Variants in PTPRT observed in about 807,000 individuals in gnomAD.
PTPRT encodes the protein receptor-type tyrosine-protein phosphatase T.
Under a neutral mutation model 176.8 loss-of-function variants are expected in PTPRT, and 56 were observed. The ratio of observed to expected loss-of-function variants is 0.32; its 90% CI spans 0.26 to 0.40. The LOEUF (loss-of-function observed/expected upper bound fraction) is 0.40. Among genes scored for constraint, PTPRT ranks in the 10% least tolerant of loss-of-function variants. The pLI is 1.00. For missense variants in PTPRT, 1,540 were observed against 1,908.2 expected, an observed-to-expected ratio of 0.81 and a Z score of 3.60; for synonymous variants, 783 against 739.0, an observed-to-expected ratio of 1.06 and a Z score of -0.96.
chr20:42,600,364 T>A (rs921883609), intron 7 of PTPRT, among the ~76,000 whole-genome samples: 3 of 152,232 alleles, frequency 2.0e-5, no homozygotes, highest in Non-Finnish European at 1.5e-5. Context: ...GGTCTTGAAC[T>A]CCTGACTTCA....
At chr20:42,572,802 G>C (rs1209424788) in intron 7 of PTPRT, among the ~76,000 whole-genome samples, 1 of 152,004 alleles carries the variant, frequency 6.6e-6, no homozygotes, top group Non-Finnish European at 1.5e-5. Context: ...AACACCACCT[G>C]GAGCAATAAA....
chr20:42,128,336 AC>A (rs1987959423), intron 19 of PTPRT, among the ~76,000 whole-genome samples: 1 of 152,084 alleles, frequency 6.6e-6, no homozygotes, highest in African/African-American at 2.4e-5. Context: ...ATTGATGTGC[AC>A]ATTATCTCCC....
rs1359900225 is a variant in PTPRT, at chr20:43,000,085, G to C, written c.89-114153C>G. ...AAGGAGGGAGGGAGGGAGGGAGGGAGGGAGGGAGGGAGGGAATAAAAACCT... is the reference window on the plus strand; with the variant it reads ...AAGGAGGGAGGGAGGGAGGGAGGGACGGAGGGAGGGAGGGAATAAAAACCT... On this transcript the variant is annotated intron_variant, in intron 1 of 30. Transcript: ENST00000373187. Among the ~76,000 whole-genome samples, 4 of 140,064 alleles carry C rather than the reference G, an allele frequency of 2.9e-5. No individual in the cohort carries two copies. The South Asian group carries it at 1.1e-3, about 37-fold the overall frequency. The allele number at this position is 140,064 out of a possible 152,430, so 91.9% of individuals were successfully genotyped here. A position where few individuals can be genotyped will look rare whatever the true frequency, so the allele number is the denominator to read the frequency against.
intron 11 of PTPRT, among the ~76,000 whole-genome samples, chr20:42,322,895 A>G (rs961836864): frequency 2.0e-5 from 3 of 152,090 alleles, no homozygotes; most frequent in Admixed American, 2.0e-4. Flanking sequence ...TCTACAATGA[A>G]CTCAAACAAA....
chr20:42,277,277 T>C (rs1316767491), intron 13 of PTPRT, among the ~76,000 whole-genome samples: 1 of 152,172 alleles, frequency 6.6e-6, no homozygotes, highest in African/African-American at 2.4e-5. Context: ...GCAAATGGCT[T>C]TATGGGTTTC....
intron 1 of PTPRT, among the ~76,000 whole-genome samples, chr20:43,177,945 TGGAACA>T (rs1336106490): frequency 6.6e-6 from 1 of 152,224 alleles, no homozygotes; most frequent in Non-Finnish European, 1.5e-5. Flanking sequence ...TTTTCCTACT[TGGAACA>T]GGGATCTTCC....
rs749167646 is a variant in PTPRT, at chr20:42,119,980, C to T, written c.2848-9G>A. 6.8e-6 allele frequency: 11 copies of T among 1,606,954 alleles called. No individual in the cohort carries two copies. In the East Asian group the frequency reaches 2.5e-4, roughly 36 times the overall value. ...CGAGGTCGATGGTATCCCTGGATAACAGGAGAAAAGCACTGTGAAGAGTCT... is the reference window on the plus strand; with the variant it reads ...CGAGGTCGATGGTATCCCTGGATAATAGGAGAAAAGCACTGTGAAGAGTCT... On this transcript the variant is annotated splice_polypyrimidine_tract_variant and intron_variant, in intron 19 of 30. Coordinates refer to ENST00000373187, the MANE Select transcript of PTPRT (RefSeq NM_007050.6).
At chr20:42,999,554 G>A (rs6130276) in intron 1 of PTPRT, among the ~76,000 whole-genome samples, 2 of 152,000 alleles carry the variant, frequency 1.3e-5, no homozygotes, top group Admixed American at 1.3e-4. Flanking sequence ...CCAGGGGTTC[G>A]AGACCAGCCT....
chr20:42,836,110 G>T (rs1008877969), intron 2 of PTPRT, among the ~76,000 whole-genome samples: 2 of 152,112 alleles, frequency 1.3e-5, no homozygotes, highest in Non-Finnish European at 2.9e-5. Flanking sequence ...TTGACTCCAA[G>T]AATCTGTATC....
chr20:42,284,872 A>G (rs938073390), intron 12 of PTPRT, among the ~76,000 whole-genome samples: 15 of 151,906 alleles, frequency 9.9e-5, no homozygotes, highest in Admixed American at 2.6e-4. Flanking sequence ...GTTCAAGTAT[A>G]TGAATCATTC....
intron 2 of PTPRT, among the ~76,000 whole-genome samples, chr20:42,876,871 A>T (rs1013058194): frequency 6.6e-6 from 1 of 152,122 alleles, no homozygotes; most frequent in Non-Finnish European, 1.5e-5. Context: ...ACTCAGCTAC[A>T]GAAGCATAGT....
At chr20:42,896,217 C>T (rs2145901971) in intron 1 of PTPRT, among the ~76,000 whole-genome samples, 1 of 152,176 alleles carries the variant, frequency 6.6e-6, no homozygotes, top group South Asian at 2.1e-4. Context: ...GCCAAGACTC[C>T]AATCATGGGT....
chr20:42,323,721 C>T (rs2145410376), intron 11 of PTPRT, among the ~76,000 whole-genome samples: 1 of 151,998 alleles, frequency 6.6e-6, no homozygotes, highest in Non-Finnish European at 1.5e-5. Flanking sequence ...TGTAACTAAC[C>T]TGCACATTGT....
chr20:42,567,973 CT>C (rs559196108), intron 7 of PTPRT, among the ~76,000 whole-genome samples: 360 of 140,174 alleles, frequency 2.6e-3, no homozygotes, highest in Admixed American at 2.9e-3. Context: ...CTTTTTTTTG[CT>C]TTTTTTTTTT....
intron 9 of PTPRT, 76 bp downstream of exon 9, chr20:42,448,144 G>A (rs910284433): frequency 9.1e-7 from 1 of 1,096,380 alleles, no homozygotes. Flanking sequence ...TCAGCAGAAT[G>A]GGTATTCACC....
chr20:42,093,063 G>T (rs1439127910), intron 27 of PTPRT, among the ~76,000 whole-genome samples: 1 of 152,198 alleles, frequency 6.6e-6, no homozygotes, highest in Non-Finnish European at 1.5e-5. Context: ...GTTAGGATGT[G>T]GACATCTCTG....
intron 1 of PTPRT, among the ~76,000 whole-genome samples, chr20:42,888,205 A>G (rs1412234766): frequency 6.6e-6 from 1 of 152,196 alleles, no homozygotes; most frequent in Non-Finnish European, 1.5e-5. Flanking sequence ...CTGACCAGGA[A>G]TATCAGCATT....
chr20:42,206,201 C>A (rs1031129184), intron 15 of PTPRT, among the ~76,000 whole-genome samples: 3 of 152,176 alleles, frequency 2.0e-5, no homozygotes, highest in Non-Finnish European at 4.4e-5. Context: ...TCTATGCCCC[C>A]ACTGACTCAG....
intron 9 of PTPRT, among the ~76,000 whole-genome samples, chr20:42,360,187 G>T (rs1042982849): frequency 6.6e-6 from 1 of 152,168 alleles, no homozygotes; most frequent in Admixed American, 6.5e-5. Flanking sequence ...TCTCTTCCCT[G>T]TGTCACCATC....
Sources: allele counts gnomAD v4.1 joint callset (sites outside exome capture counted in the v4.1 genomes callset), GRCh38; gene constraint gnomAD v4.1.1; transcripts MANE v1.5; gene names NCBI Gene and HGNC (gene_info 2026-07-23, HGNC 2026-07-21).